The following PIK3C2G variants were observed in gnomAD, a reference collection of about 807,000 sequenced individuals.
The protein encoded by PIK3C2G is phosphatidylinositol 3-kinase C2 domain-containing subunit gamma.
PIK3C2G carries 168 observed loss-of-function variants against 181.1 expected under a neutral mutation model. The ratio of observed to expected loss-of-function variants is 0.93; its 90% CI spans 0.82 to 1.05. The LOEUF (loss-of-function observed/expected upper bound fraction) is 1.05. Ranked by LOEUF, PIK3C2G falls within the 50% of genes least tolerant of loss-of-function variation. PIK3C2G has a pLI of 0.00. For missense variants in PIK3C2G, 1,869 were observed against 1,732.8 expected (o/e 1.08, Z -1.40); for synonymous variants, 573 against 592.2 (o/e 0.97, Z 0.47).
At chr12:18,510,451 GCT>G (rs1942132696) in intron 24 of PIK3C2G, among the ~76,000 whole-genome samples, 1 of 152,082 alleles carries the variant, frequency 6.6e-6, no homozygotes, top group East Asian at 1.9e-4. Context: ...ATAATTACAT[GCT>G]CTCATAAAGC....
chr12:18,252,457 A>G (rs1196103035), intron 1 of PIK3C2G, among the ~76,000 whole-genome samples: 3 of 152,156 alleles, frequency 2.0e-5, no homozygotes, highest in African/African-American at 4.8e-5. Context: ...GTCACCTGTA[A>G]TAAAAGATTA....
In PIK3C2G at chr12:18,590,478, G is replaced by A. The variant is rs573235310; in HGVS notation, c.4012-4016G>A. On this transcript the variant is annotated intron_variant, in intron 29 of 32. Transcript: ENST00000538779. ...TATGGGGAACCCTCCTGCATACATC[G>A]TAGACTATGTGAAAATGGCCCCTTA... Among the ~76,000 whole-genome samples the A allele has an allele frequency of 8.6e-4, 130 of 151,910 alleles. 1 individual carries two copies. The highest frequency in any genetic ancestry group is 1.3e-3 in the Admixed American group (20 of 15,224).
chr12:18,251,104 A>AATGCT (rs1948091432), intron 1 of PIK3C2G, among the ~76,000 whole-genome samples: 1 of 151,984 alleles, frequency 6.6e-6, no homozygotes, highest in Non-Finnish European at 1.5e-5. Flanking sequence ...TGCCTAGTAA[A>AATGCT]ACATATGTAG....
intron 18 of PIK3C2G, among the ~76,000 whole-genome samples, chr12:18,443,590 A>G (rs771772191): frequency 2.0e-5 from 3 of 152,296 alleles, no homozygotes; most frequent in East Asian, 3.9e-4. Context: ...TTCTATATGT[A>G]TCAGAAGAAA....
intron 18 of PIK3C2G, among the ~76,000 whole-genome samples, chr12:18,451,112 G>T (rs1232795401): frequency 6.6e-6 from 1 of 152,150 alleles, no homozygotes; most frequent in Non-Finnish European, 1.5e-5. Flanking sequence ...ATTCTGTTAA[G>T]AAAGTCAATG....
intron 1 of PIK3C2G, among the ~76,000 whole-genome samples, chr12:18,267,409 G>C (rs562187517): frequency 6.6e-6 from 1 of 151,670 alleles, no homozygotes; most frequent in African/African-American, 2.4e-5. Context: ...TAATTACTTC[G>C]TTATACATAG....
chr12:18,443,464 T>A (rs75815869), intron 18 of PIK3C2G, among the ~76,000 whole-genome samples: 1 of 151,236 alleles, frequency 6.6e-6, no homozygotes, highest in Non-Finnish European at 1.5e-5. Flanking sequence ...AGTTTTTTTT[T>A]CATTTTACAG....
At chr12:18,662,443 C>A in the PIK3C2G span, among the ~76,000 whole-genome samples, 2 of 151,248 alleles carry the variant, frequency 1.3e-5, no homozygotes, top group Admixed American at 6.6e-5. Flanking sequence ...CTAGATCTAC[C>A]CTGCAGGGAA....
Position 18,548,296 on chromosome 12 carries a change from G to C in PIK3C2G, c.3590+1864G>C, listed in dbSNP as rs144705445. On this transcript the variant is annotated intron_variant, in intron 26 of 32. Transcript: ENST00000538779. ...AAGGAATGCAAAGTTGGACTGCAAG[G>C]CCTGTGTTCGAGATGTGTCATTGTG... 3.0e-3 allele frequency among the ~76,000 whole-genome samples: 452 copies of C among 152,154 alleles called. 2 individuals are homozygous for C. Among genetic ancestry groups the C allele is most frequent in the African/African-American group, 0.01 (432 of 41,558 alleles).
intron 11 of PIK3C2G, among the ~76,000 whole-genome samples, chr12:18,359,296 C>G (rs1941026411): frequency 6.6e-6 from 1 of 152,186 alleles, no homozygotes; most frequent in Admixed American, 6.5e-5. Flanking sequence ...GTCAGAAAAG[C>G]TACTTGATAT....
intron 30 of PIK3C2G, among the ~76,000 whole-genome samples, chr12:18,595,590 A>G (rs1056207356): frequency 1.1e-4 from 17 of 152,084 alleles, no homozygotes; most frequent in African/African-American, 3.9e-4. Flanking sequence ...GAATTTAAGG[A>G]ATTTATTTTT....
intron 24 of PIK3C2G, among the ~76,000 whole-genome samples, chr12:18,510,408 A>G (rs901351579): frequency 3.9e-5 from 6 of 152,240 alleles, no homozygotes; most frequent in Non-Finnish European, 8.8e-5. Context: ...CACTGTAGTA[A>G]TAAACTCAAA....
At chr12:18,305,433 C>A (rs1237024935) in intron 5 of PIK3C2G, among the ~76,000 whole-genome samples, 2 of 152,138 alleles carry the variant, frequency 1.3e-5, no homozygotes, top group Non-Finnish European at 2.9e-5. Context: ...GAAGACATGG[C>A]AAATTACATG....
Position 18,282,620 on chromosome 12 carries a change from C to A in PIK3C2G, c.539C>A (p.Ser180Ter), listed in dbSNP as rs202060045. Residue 180 changes from serine to a stop codon, truncating the protein, a stop_gained, in exon 2 of 33, where the codon TCA (serine) becomes TAA (stop). Transcript: ENST00000538779. LOFTEE classifies it high-confidence loss of function. ...GAAAGTAGCATTCCTCCAACAAATT[C>A]ATCCTTCTCAAGTGACTTCATGCCG... ...GFESSIPPTN[S>*]SFSSDFMPKE... 1.8e-4 allele frequency: 294 copies of A among 1,613,112 alleles called. 1 individual carries two copies. The highest frequency in any genetic ancestry group is 1.7e-3 in the Admixed American group (104 of 59,984).
chr12:18,582,292 A>T (rs1161434431), intron 29 of PIK3C2G, among the ~76,000 whole-genome samples: 1 of 152,084 alleles, frequency 6.6e-6, no homozygotes, highest in East Asian at 1.9e-4. Flanking sequence ...GTAACACAGA[A>T]ACAGGGGAAC....
At chr12:18,724,372 A>G in the PIK3C2G span, among the ~76,000 whole-genome samples, 1 of 152,172 alleles carries the variant, frequency 6.6e-6, no homozygotes, top group African/African-American at 2.4e-5. Flanking sequence ...GGAGAGTTAG[A>G]AAAACTGGTA....
chr12:18,479,739 A>C (rs982546421), intron 18 of PIK3C2G, among the ~76,000 whole-genome samples: 4 of 152,160 alleles, frequency 2.6e-5, no homozygotes, highest in Non-Finnish European at 4.4e-5. Context: ...ACAGTCTTTC[A>C]AATCACGTTT....
intron 16 of PIK3C2G, among the ~76,000 whole-genome samples, chr12:18,401,642 T>C (rs1340976612): frequency 2.6e-5 from 4 of 152,096 alleles, no homozygotes; most frequent in Non-Finnish European, 2.9e-5. Context: ...TCAAAACATA[T>C]AAAGACTCTT....
chr12:18,629,564 C>G (rs1258051744), intron 31 of PIK3C2G, among the ~76,000 whole-genome samples: 1 of 152,072 alleles, frequency 6.6e-6, no homozygotes. Flanking sequence ...AATGCTGTTA[C>G]AAATAAAGTC....
Sources: gnomAD v4.1 joint callset for allele counts (sites outside exome capture counted in the v4.1 genomes callset) on GRCh38, gnomAD v4.1.1 for gene constraint, MANE v1.5 for transcripts, NCBI Gene and HGNC (gene_info 2026-07-23, HGNC 2026-07-21) for gene names.